The following RBFOX1 variants were observed in gnomAD, a reference collection of about 807,000 sequenced individuals.
The protein encoded by RBFOX1 is RNA binding protein fox-1 homolog 1.
A neutral mutation model predicts 57.7 loss-of-function variants in RBFOX1; 8 were observed. That is an observed-to-expected ratio of 0.14 (90% CI 0.08 to 0.25). The LOEUF (loss-of-function observed/expected upper bound fraction) is 0.25, where lower values mean the gene tolerates loss of function less well. RBFOX1 is among the 10% of genes least tolerant of loss of function. The pLI is 1.00. For missense variants in RBFOX1, 611 were observed against 548.5 expected, an observed-to-expected ratio of 1.11 and a Z score of -1.14; for synonymous variants, 326 against 222.4, an observed-to-expected ratio of 1.47 and a Z score of -4.15.
intron 4 of RBFOX1, among the ~76,000 whole-genome samples, chr16:7,212,351 C>T (rs1476415941): frequency 6.6e-6 from 1 of 152,150 alleles, no homozygotes; most frequent in Non-Finnish European, 1.5e-5. Context: ...ATTCGCTTGC[C>T]TGTAGCCGCG....
At chr16:5,899,360 A>G (rs1404740634) in intron 4 of RBFOX1, among the ~76,000 whole-genome samples, 3 of 152,150 alleles carry the variant, frequency 2.0e-5, no homozygotes, top group African/African-American at 7.2e-5. Context: ...ATTATAGGGG[A>G]AACTGACCTG....
At chr16:6,484,242 A>G (rs2095425879) in intron 2 of RBFOX1, among the ~76,000 whole-genome samples, 1 of 152,208 alleles carries the variant, frequency 6.6e-6, no homozygotes, top group South Asian at 2.1e-4. Context: ...ATGAATGGCC[A>G]GATGGGTTGT....
At chr16:6,819,490 G>A (rs1777377855) in intron 3 of RBFOX1, among the ~76,000 whole-genome samples, 1 of 152,032 alleles carries the variant, frequency 6.6e-6, no homozygotes, top group African/African-American at 2.4e-5. Flanking sequence ...GATCACCTGA[G>A]GTCGGGAGTT....
At chr16:7,700,493 A>C (rs1006657980) in intron 14 of RBFOX1, among the ~76,000 whole-genome samples, 1 of 152,198 alleles carries the variant, frequency 6.6e-6, no homozygotes, top group Non-Finnish European at 1.5e-5. Context: ...GGGTATTGAA[A>C]ATCTCATAAG....
intron 3 of RBFOX1, among the ~76,000 whole-genome samples, chr16:5,623,303 T>C (rs2048253317): frequency 6.6e-6 from 1 of 152,146 alleles, no homozygotes; most frequent in African/African-American, 2.4e-5. Flanking sequence ...GTCCTCAAAC[T>C]GAAGGGTGTG....
intron 4 of RBFOX1, among the ~76,000 whole-genome samples, chr16:7,087,717 G>T (rs951761973): frequency 6.6e-6 from 1 of 152,080 alleles, no homozygotes; most frequent in Non-Finnish European, 1.5e-5. Flanking sequence ...AAAGAAGAGG[G>T]TCTCTAAGGA....
At chr16:7,055,604 C>T (rs1348090080) in intron 4 of RBFOX1, among the ~76,000 whole-genome samples, 1 of 152,166 alleles carries the variant, frequency 6.6e-6, no homozygotes, top group African/African-American at 2.4e-5. Context: ...CAGAATTCGT[C>T]ACTGCAGTCG....
intron 3 of RBFOX1, among the ~76,000 whole-genome samples, chr16:6,946,547 C>T (rs1289557161): frequency 6.6e-6 from 1 of 152,176 alleles, no homozygotes; most frequent in African/African-American, 2.4e-5. Context: ...AACCTTCTTT[C>T]ATAAAAGCTT....
chr16:5,955,356 AAAAATAAAATAAAAT>A (rs71142658), intron 4 of RBFOX1, among the ~76,000 whole-genome samples: 317 of 27,194 alleles, frequency 0.012, 15 homozygotes, highest in African/African-American at 0.025. Flanking sequence ...TAAAATAAAT[AAAAATAAAATAAAAT>A]AAAATAAAAT....
At chr16:6,129,344 G>A (rs1177427076) in intron 1 of RBFOX1, among the ~76,000 whole-genome samples, 13 of 152,178 alleles carry the variant, frequency 8.5e-5, no homozygotes, top group Admixed American at 8.5e-4. Flanking sequence ...GGAATCAAAT[G>A]GAAAGTTTAG....
intron 3 of RBFOX1, among the ~76,000 whole-genome samples, chr16:6,976,656 T>G (rs2153579685): frequency 6.7e-6 from 1 of 150,072 alleles, no homozygotes; most frequent in Non-Finnish European, 1.5e-5. Flanking sequence ...AATGTTTATA[T>G]ATATATGATA....
At chr16:6,516,486 T>C (rs1237304216) in intron 2 of RBFOX1, among the ~76,000 whole-genome samples, 1 of 152,218 alleles carries the variant, frequency 6.6e-6, no homozygotes, top group African/African-American at 2.4e-5. Context: ...TTTATGTTCA[T>C]ATGTTTAAAA....
chr16:5,707,084 A>T (rs1043600639), intron 3 of RBFOX1, among the ~76,000 whole-genome samples: 1 of 152,032 alleles, frequency 6.6e-6, no homozygotes, highest in Non-Finnish European at 1.5e-5. Flanking sequence ...CACATGAGAA[A>T]CACCCAGCCA....
chr16:6,308,948 G>T (rs1316477550), intron 1 of RBFOX1, among the ~76,000 whole-genome samples: 2 of 152,008 alleles, frequency 1.3e-5, no homozygotes, highest in Non-Finnish European at 2.9e-5. Context: ...AGCCTGGCCA[G>T]AGGGACGTCT....
chr16:6,989,478 C>G (rs906088115), intron 3 of RBFOX1, among the ~76,000 whole-genome samples: 1 of 152,102 alleles, frequency 6.6e-6, no homozygotes, highest in Admixed American at 6.6e-5. Context: ...ATATCATCCT[C>G]TGTAATTATT....
intron 3 of RBFOX1, among the ~76,000 whole-genome samples, chr16:6,715,101 G>C (rs1413665533): frequency 6.6e-6 from 1 of 152,076 alleles, no homozygotes; most frequent in African/African-American, 2.4e-5. Context: ...GCAGGGAGTG[G>C]TGAATACAGT....
chr16:7,596,520 TGG>T (rs1192433319), intron 8 of RBFOX1, among the ~76,000 whole-genome samples: 5 of 152,146 alleles, frequency 3.3e-5, no homozygotes, highest in Admixed American at 3.3e-4. Flanking sequence ...CTGGCGATGG[TGG>T]TGAATGGTAA....
chr16:7,542,523 G>A (rs948924295), intron 5 of RBFOX1, among the ~76,000 whole-genome samples: 8 of 151,786 alleles, frequency 5.3e-5, no homozygotes, highest in Non-Finnish European at 8.8e-5. Flanking sequence ...CATGAAGGGC[G>A]AAGGAAGGGG....
intron 4 of RBFOX1, among the ~76,000 whole-genome samples, chr16:7,209,914 A>G (rs2090782173): frequency 6.6e-6 from 1 of 152,186 alleles, no homozygotes; most frequent in Non-Finnish European, 1.5e-5. Flanking sequence ...GGGTTCCATG[A>G]TGCACCATAG....
Sources: allele counts gnomAD v4.1 joint callset (sites outside exome capture counted in the v4.1 genomes callset), GRCh38; gene constraint gnomAD v4.1.1; transcripts MANE v1.5; gene names NCBI Gene and HGNC (gene_info 2026-07-23, HGNC 2026-07-21).